Variants in ELP2 observed in about 807,000 individuals in gnomAD.
The protein encoded by ELP2 is elongator complex protein 2.
A neutral mutation model predicts 119.2 loss-of-function variants in ELP2; 90 were observed. The observed-to-expected ratio is 0.75, with a 90% CI of 0.64 to 0.90. The LOEUF is 0.90. Among genes scored for constraint, ELP2 ranks in the 40% least tolerant of loss-of-function variants. The pLI is 0.00. For missense variants in ELP2, 921 were observed against 967.8 expected (o/e 0.95, Z 0.64); for synonymous variants, 339 against 331.0 (o/e 1.02, Z -0.26).
intron 5 of ELP2, among the ~76,000 whole-genome samples, chr18:36,139,096 GACTT>G (rs1275692241): frequency 6.6e-6 from 1 of 152,138 alleles, no homozygotes; most frequent in East Asian, 1.9e-4. Flanking sequence ...TAATTTAAAT[GACTT>G]ACTGTGTACC....
chr18:36,172,259 T>TC (rs899541826), intron 21 of ELP2, among the ~76,000 whole-genome samples: 3 of 151,796 alleles, frequency 2.0e-5, no homozygotes, highest in African/African-American at 4.8e-5. Context: ...TGAGAGCCTG[T>TC]CCCCCCCAAA....
chr18:36,159,820 CA>C lies in ELP2; in HGVS notation c.1621del (p.Ile541TyrfsTer70), dbSNP rs770487987. On this transcript the variant is annotated frameshift_variant, in exon 15 of 22. Coordinates refer to ENST00000358232, the MANE Select transcript of ELP2 (RefSeq NM_018255.4). LOFTEE classifies it high-confidence loss of function. ...ATCAGCAGGTGGCCTTTCAGCCCTC[CA>C]TACTTACTGGTAAGATGTGACAAAG... ...EYQQVAFQPS[I>X]LTEPPTEDHL... is the part of the protein sequence containing the mutation. 3 of 1,613,544 alleles carry C rather than the reference CA, an allele frequency of 1.9e-6. No individual in the cohort carries two copies. Among genetic ancestry groups the C allele is most frequent in the East Asian group, 2.2e-5 (1 of 44,884 alleles).
rs896400703 is a variant in ELP2, at chr18:36,176,074, A to G, written c.*1433A>G. On this transcript the variant is annotated 3_prime_UTR_variant, in exon 22 of 22. Coordinates refer to ENST00000358232, the MANE Select transcript of ELP2 (RefSeq NM_018255.4). ...AAGGAAACAGGTGAAATTTAATGACATATTTCCTTTAATACGGTATATCCA... is the reference window on the plus strand; with the variant it reads ...AAGGAAACAGGTGAAATTTAATGACGTATTTCCTTTAATACGGTATATCCA... The G allele has an allele frequency of 6.6e-6, 1 of 152,190 alleles. No individual in the cohort carries two copies. The highest frequency in any genetic ancestry group is 1.9e-4 in the East Asian group (1 of 5,202). 9.4% of individuals were successfully genotyped at this position (152,190 alleles called of 1,614,324 possible). A position where few individuals can be genotyped will look rare whatever the true frequency, so the allele number is the denominator to read the frequency against.
intron 11 of ELP2, among the ~76,000 whole-genome samples, chr18:36,154,604 A>G (rs1027896751): frequency 7.2e-5 from 11 of 152,360 alleles, no homozygotes; most frequent in African/African-American, 2.6e-4. Context: ...TGGCTGCTCA[A>G]TAAATGATGA....
Position 36,129,910 on chromosome 18 carries a change from T to G in ELP2, c.-24T>G, listed in dbSNP as rs1488535560. ...GAGGGCGGAAGTGCGCGTCTCTTGT[T>G]TGTGCGGCTGACCAGTTGGCGACAT... On this transcript the variant is annotated 5_prime_UTR_variant, in exon 1 of 22. Transcript: ENST00000358232. The G allele has an allele frequency of 1.2e-6, 2 of 1,614,128 alleles. No individual in the cohort carries two copies. The highest frequency in any genetic ancestry group is 1.7e-6 in the Non-Finnish European group (2 of 1,180,018).
At chr18:36,139,315 A>G in intron 5 of ELP2, 1 of 1,145,602 alleles carries the variant, frequency 8.7e-7, no homozygotes, top group Non-Finnish European at 1.2e-6. Context: ...ATCTGCAAAC[A>G]GAAAAATTTC....
At position 36,143,277 on chromosome 18, in the gene ELP2, G is replaced by A. The variant is rs536848941; in HGVS notation, c.796+311G>A. Reference sequence around the variant, plus strand: ...TGGGATTACAGGCACGCACCACCACGCCTGGCTAACTTTTTTGTATTTTTA... The same window carrying A: ...TGGGATTACAGGCACGCACCACCACACCTGGCTAACTTTTTTGTATTTTTA... On this transcript the variant is annotated intron_variant, in intron 8 of 21. Transcript: ENST00000358232. 5.3e-5 allele frequency among the ~76,000 whole-genome samples: 8 copies of A among 151,928 alleles called. No homozygotes were observed. The South Asian group carries it at 6.2e-4, about 12-fold the overall frequency.
chr18:36,166,557 CCTGACCT>C (rs931128751), intron 18 of ELP2, among the ~76,000 whole-genome samples: 2 of 151,846 alleles, frequency 1.3e-5, no homozygotes, highest in Non-Finnish European at 2.9e-5. Flanking sequence ...GTCTTGAACT[CCTGACCT>C]CAGGTGATCC....
intron 5 of ELP2, among the ~76,000 whole-genome samples, chr18:36,140,510 A>G (rs2089983189): frequency 6.6e-6 from 1 of 151,756 alleles, no homozygotes; most frequent in Non-Finnish European, 1.5e-5. Context: ...CCACGCCCAG[A>G]TAATTTTTGT....
chr18:36,133,366 A>G, intron 2 of ELP2, 50 bp downstream of exon 2: 2 of 1,406,220 alleles, frequency 1.4e-6, no homozygotes, highest in South Asian at 1.2e-5. Flanking sequence ...TTCTGATAAA[A>G]TAAGGTTAGC....
intron 2 of ELP2, among the ~76,000 whole-genome samples, chr18:36,134,693 T>C (rs2089764979): frequency 6.6e-6 from 1 of 152,188 alleles, no homozygotes; most frequent in Non-Finnish European, 1.5e-5. Flanking sequence ...CCAAAAGTTA[T>C]GAAAATTTCT....
chr18:36,145,202 G>A (rs1785929), intron 9 of ELP2, 168 bp downstream of exon 9: 220,549 of 629,620 alleles, frequency 0.35, 39,966 homozygotes, highest in Admixed American at 0.39. Flanking sequence ...TGGACACTCA[G>A]TTCCATTGAA....
At position 36,171,175 on chromosome 18, in the gene ELP2, T is replaced by G. The variant is rs1450559866; in HGVS notation, c.2324+15T>G. 1 of 1,591,468 alleles carries G rather than the reference T, an allele frequency of 6.3e-7. No homozygotes were observed. The highest frequency in any genetic ancestry group is 1.3e-5 in the African/African-American group (1 of 74,220). On this transcript the variant is annotated intron_variant, in intron 21 of 21. Coordinates refer to ENST00000358232, the MANE Select transcript of ELP2 (RefSeq NM_018255.4). The stretch of plus-strand genomic sequence containing the variant: ...ACAAGTCAAAGGTATTTCTTTCCTA[T>G]TTTTGTTTCCATCAGATTAACTAGA...
rs2091280326 is a variant in ELP2 at position 36,179,000 on chromosome 18, C to T, written c.*4359C>T. 6.6e-6 allele frequency: 1 copy of T among 152,270 alleles called. No homozygotes were observed. Among genetic ancestry groups the T allele is most frequent in the Non-Finnish European group, 1.5e-5 (1 of 68,018 alleles). 9.4% of individuals were successfully genotyped at this position (152,270 alleles called of 1,614,324 possible). Reference sequence around the variant, plus strand: ...TTGTTACATTGTGAGGAGTTCTTCCCCTTCTAGCATGTAGTGGATGGTCCA... The same window carrying T: ...TTGTTACATTGTGAGGAGTTCTTCCTCTTCTAGCATGTAGTGGATGGTCCA... On this transcript the variant is annotated 3_prime_UTR_variant, in exon 22 of 22. Transcript: ENST00000358232.
chr18:36,151,969 G>GTC (rs557809601), intron 11 of ELP2, among the ~76,000 whole-genome samples: 2 of 125,432 alleles, frequency 1.6e-5, no homozygotes, highest in African/African-American at 3.0e-5. Flanking sequence ...AGCCAGGCTG[G>GTC]TCAACTCCTG....
chr18:36,152,188 C>A (rs1426717408), intron 11 of ELP2, among the ~76,000 whole-genome samples: 1 of 70,550 alleles, frequency 1.4e-5, no homozygotes, highest in Admixed American at 1.8e-4. Context: ...CAGAGTGAGA[C>A]CCTATCTCAA....
intron 17 of ELP2, 90 bp downstream of exon 17, chr18:36,161,094 T>A: frequency 2.2e-6 from 2 of 893,644 alleles, no homozygotes; most frequent in Non-Finnish European, 3.8e-6. Flanking sequence ...GGCAGAACTC[T>A]ACGTGAAAGG....
rs148860692 is a variant in ELP2 at position 36,142,299 on chromosome 18, C to G, written c.607C>G (p.Leu203Val). Residue 203 changes from leucine to valine, a missense_variant, in exon 7 of 22, where the codon CTC becomes GTC. By Grantham distance (32) the Leu-to-Val change is conservative (BLOSUM62 1). Transcript: ENST00000358232. ...TTACTAGTTTCAGAAAGTGCTTTCT[C>G]TCTGTGGACATGAGGATTGGATTAG... ...QNDQFQKVLS[L>V]CGHEDWIRGV... The G allele has an allele frequency of 3.7e-6, 6 of 1,613,954 alleles. No homozygotes were observed. The highest frequency in any genetic ancestry group is 1.3e-5 in the African/African-American group (1 of 75,036).
chr18:36,150,378 A>G (rs1427118565), intron 11 of ELP2, among the ~76,000 whole-genome samples: 1 of 152,358 alleles, frequency 6.6e-6, no homozygotes, highest in East Asian at 1.9e-4. Flanking sequence ...TCCAGGTAGT[A>G]TAAAGCATTT....
Sources: allele counts gnomAD v4.1 joint callset (sites outside exome capture counted in the v4.1 genomes callset), GRCh38; gene constraint gnomAD v4.1.1; transcripts MANE v1.5; gene names NCBI Gene and HGNC (gene_info 2026-07-23, HGNC 2026-07-21).